PCDHA2: variants seen among roughly 807,000 people sequenced by gnomAD.
PCDHA2 encodes the protein protocadherin alpha-2.
PCDHA2 carries 58 observed loss-of-function variants against 66.0 expected under a neutral mutation model. That is an observed-to-expected ratio of 0.88 (90% CI 0.71 to 1.09). PCDHA2 has a LOEUF of 1.09. Among genes scored for constraint, PCDHA2 ranks in the 50% least tolerant of loss-of-function variants. The probability of loss-of-function intolerance (pLI) is 0.00; values close to 1 mark genes in which losing one functional copy is unlikely to be tolerated. For synonymous variants in PCDHA2, 634 were observed against 554.0 expected, an observed-to-expected ratio of 1.14 and a Z score of -2.03; for missense variants, 1,267 against 1,242.3, an observed-to-expected ratio of 1.02 and a Z score of -0.30.
intron 1 of PCDHA2, among the ~76,000 whole-genome samples, chr5:140,948,147 A>T (rs2094217534): frequency 6.6e-6 from 1 of 151,572 alleles, no homozygotes; most frequent in African/African-American, 2.4e-5. Context: ...TGATTTTTGA[A>T]TGTTGGAAAA....
intron 3 of PCDHA2, among the ~76,000 whole-genome samples, chr5:140,999,088 G>A (rs1429141341): frequency 1.3e-5 from 2 of 152,274 alleles, no homozygotes; most frequent in African/African-American, 4.8e-5. Flanking sequence ...TCCTTCAGAG[G>A]GCTATGGAGA....
chr5:140,829,000 G>A, intron 1 of PCDHA2: 1 of 1,613,886 alleles, frequency 6.2e-7, no homozygotes, highest in Non-Finnish European at 8.5e-7. Context: ...GAGAAATAGT[G>A]ATTCGGGGTA....
intron 1 of PCDHA2, chr5:140,804,597 T>C (rs1446691553): frequency 6.6e-6 from 1 of 152,448 alleles, no homozygotes; most frequent in African/African-American, 2.4e-5. Flanking sequence ...GATAAGCCAA[T>C]GTTATAATGT....
chr5:140,857,831 G>A (rs1554150713), intron 1 of PCDHA2: 1 of 1,597,806 alleles, frequency 6.3e-7, no homozygotes, highest in Non-Finnish European at 8.6e-7. Flanking sequence ...TAAGGTGCGC[G>A]CAGTGGACGC....
chr5:141,008,147 G>A (rs782783615), intron 3 of PCDHA2, among the ~76,000 whole-genome samples: 9 of 152,114 alleles, frequency 5.9e-5, no homozygotes, highest in Non-Finnish European at 1.3e-4. Context: ...CTGCTGAGAG[G>A]TTTGATAAGA....
In PCDHA2 at chr5:140,823,709, G is replaced by C. The variant is rs2150128449; in HGVS notation, c.2388+26357G>C. On this transcript the variant is annotated intron_variant, in intron 1 of 3. Transcript: ENST00000526136. ...GATGAGACCGAAGCACCGCGCCACCGCCTTCTGGTGCTGGTGAAGGACCAT... is the reference window on the plus strand; with the variant it reads ...GATGAGACCGAAGCACCGCGCCACCCCCTTCTGGTGCTGGTGAAGGACCAT... 4 of 1,613,832 alleles carry C rather than the reference G, an allele frequency of 2.5e-6. No homozygotes were observed. The African/African-American group carries it at 5.3e-5, about 22-fold the overall frequency.
chr5:140,947,987 C>G (rs1554218389), intron 1 of PCDHA2, among the ~76,000 whole-genome samples: 1 of 144,778 alleles, frequency 6.9e-6, no homozygotes, highest in African/African-American at 2.6e-5. Context: ...AGGTTTTTCC[C>G]AAATACTTTA....
intron 1 of PCDHA2, chr5:140,927,289 A>G: frequency 6.2e-7 from 1 of 1,614,172 alleles, no homozygotes; most frequent in Non-Finnish European, 8.5e-7. Flanking sequence ...GCAGCTGCAC[A>G]TCCCCGAGTT....
At chr5:140,858,305 C>A in intron 1 of PCDHA2, 1 of 1,597,172 alleles carries the variant, frequency 6.3e-7, no homozygotes. Context: ...GCAGCAGAGG[C>A]GGCAGAGGGT....
At chr5:140,844,643 T>C (rs1405874201) in intron 1 of PCDHA2, among the ~76,000 whole-genome samples, 1 of 149,602 alleles carries the variant, frequency 6.7e-6, no homozygotes, top group Non-Finnish European at 1.5e-5. Context: ...CATGATAATT[T>C]CATTCTTGCA....
chr5:140,884,346 T>G (rs1487079029), intron 1 of PCDHA2: 1 of 1,613,896 alleles, frequency 6.2e-7, no homozygotes, highest in Non-Finnish European at 8.5e-7. Flanking sequence ...GAAGCGGCGC[T>G]GGTGGATGTC....
In PCDHA2 at chr5:140,896,536, C is replaced by CTTT. The variant is rs34213614; in HGVS notation, c.2389-82403_2389-82401dup. 9.4e-4 allele frequency among the ~76,000 whole-genome samples: 137 copies of CTTT among 145,660 alleles called. 1 individual carries two copies. Among genetic ancestry groups the CTTT allele is most frequent in the East Asian group, 2.8e-3 (14 of 5,008 alleles). On this transcript the variant is annotated intron_variant, in intron 1 of 3. Coordinates refer to ENST00000526136, the MANE Select transcript of PCDHA2 (RefSeq NM_018905.3). ...CACACCACAAAGCCCAGCTATTTTT[C>CTTT]TTTTTTTTTTTTGTATTTTAAGTAG... is the stretch of plus-strand genomic sequence containing the variant.
intron 1 of PCDHA2, chr5:140,805,274 A>G: frequency 7.8e-7 from 1 of 1,285,874 alleles, no homozygotes; most frequent in Non-Finnish European, 9.8e-7. Flanking sequence ...TGAAAATATT[A>G]CAAATGAAAT....
At chr5:140,878,897 A>G (rs1366976155) in intron 1 of PCDHA2, among the ~76,000 whole-genome samples, 1 of 152,232 alleles carries the variant, frequency 6.6e-6, no homozygotes, top group Non-Finnish European at 1.5e-5. Context: ...GACTACAGGC[A>G]GGCTCCACCA....
chr5:140,806,241 A>T (rs187070111), intron 1 of PCDHA2, among the ~76,000 whole-genome samples: 85 of 152,330 alleles, frequency 5.6e-4, no homozygotes, highest in African/African-American at 1.9e-3. Flanking sequence ...TGTTTATTAA[A>T]AAAAGCTATT....
At chr5:140,911,659 T>G (rs2075588861) in intron 1 of PCDHA2, among the ~76,000 whole-genome samples, 1 of 152,142 alleles carries the variant, frequency 6.6e-6, no homozygotes, top group African/African-American at 2.4e-5. Flanking sequence ...GTTACTAAAC[T>G]CCTTGCCTCT....
intron 1 of PCDHA2, among the ~76,000 whole-genome samples, chr5:140,902,203 C>CTTTTTTTTTTTTT (rs148688132): frequency 8.0e-6 from 1 of 124,460 alleles, no homozygotes; most frequent in African/African-American, 3.1e-5. Context: ...CTCTCTCTTT[C>CTTTTTTTTTTTTT]TTTTTTTTTT....
intron 1 of PCDHA2, among the ~76,000 whole-genome samples, chr5:140,924,932 AAAAT>A (rs2082199458): frequency 7.6e-6 from 1 of 131,842 alleles, no homozygotes; most frequent in East Asian, 2.6e-4. Flanking sequence ...AAAATAAAAT[AAAAT>A]AAAAAGTTAA....
intron 1 of PCDHA2, chr5:140,822,002 T>A (rs2150112881): frequency 6.2e-7 from 1 of 1,614,048 alleles, no homozygotes; most frequent in Non-Finnish European, 8.5e-7. Context: ...CTTCTGGAGG[T>A]AAATCTGCAG....
Sources: allele counts gnomAD v4.1 joint callset (sites outside exome capture counted in the v4.1 genomes callset), GRCh38; gene constraint gnomAD v4.1.1; transcripts MANE v1.5; gene names NCBI Gene and HGNC (gene_info 2026-07-23, HGNC 2026-07-21).